PUDP: variants seen among roughly 807,000 people sequenced by gnomAD.
PUDP encodes pseudouridine-5'-phosphatase.
Under a neutral mutation model 9.4 loss-of-function variants are expected in PUDP, and 8 were observed. That is an observed-to-expected ratio of 0.85 (90% CI 0.50 to 1.53). The LOEUF (loss-of-function observed/expected upper bound fraction) is 1.53. Ranked by LOEUF, PUDP falls within the 40% of genes most tolerant of loss-of-function variation. The pLI is 0.00. For missense variants in PUDP, 188 were observed against 189.7 expected (o/e 0.99, Z 0.05); for synonymous variants, 99 against 80.7 (o/e 1.23, Z -1.22).
At chrX:6,789,738 A>G (rs1017780426) in intron 3 of PUDP, among the ~76,000 whole-genome samples, 1 of 111,039 alleles carries the variant, frequency 9.0e-6, no homozygotes, top group Non-Finnish European at 1.9e-5. Context: ...AGTTTTGTTT[A>G]TTTAAGATAC....
intron 1 of PUDP, among the ~76,000 whole-genome samples, chrX:7,039,713 C>T (rs1201429458): frequency 1.8e-5 from 2 of 112,558 alleles, no homozygotes; most frequent in Non-Finnish European, 3.7e-5. Flanking sequence ...ATATGTGGGA[C>T]TTTGTTATGG....
chrX:7,137,080 A>G (rs1409613913), intron 1 of PUDP, among the ~76,000 whole-genome samples: 2 of 110,747 alleles, frequency 1.8e-5, no homozygotes, highest in Non-Finnish European at 3.8e-5. Context: ...TCTCTACTAA[A>G]AATACAAAAA....
intron 3 of PUDP, among the ~76,000 whole-genome samples, chrX:6,935,188 A>C (rs1928276787): frequency 1.9e-5 from 2 of 106,778 alleles, no homozygotes; most frequent in African/African-American, 6.9e-5. Flanking sequence ...ACATTTTTTT[A>C]AGCACCACAC....
At chrX:7,136,568 C>T (rs2098449709) in intron 1 of PUDP, among the ~76,000 whole-genome samples, 1 of 112,029 alleles carries the variant, frequency 8.9e-6, no homozygotes, top group Non-Finnish European at 1.9e-5. Context: ...AAAGAGCTCA[C>T]CCCCAGCCAC....
At chrX:6,711,271 G>C (rs1924529230) in intron 1 of PUDP, among the ~76,000 whole-genome samples, 1 of 111,398 alleles carries the variant, frequency 9.0e-6, no homozygotes, top group South Asian at 3.8e-4. Flanking sequence ...AAATAGCATC[G>C]GAGGAAAAGG....
intron 1 of PUDP, among the ~76,000 whole-genome samples, chrX:6,998,900 T>C (rs1299574462): frequency 9.1e-6 from 1 of 110,226 alleles, no homozygotes; most frequent in African/African-American, 3.3e-5. Flanking sequence ...TGCAGACAGA[T>C]GAATAAGTAG....
chrX:6,902,341 T>C (rs1927702899), intron 3 of PUDP, among the ~76,000 whole-genome samples: 1 of 111,983 alleles, frequency 8.9e-6, no homozygotes, highest in Non-Finnish European at 1.9e-5. Context: ...TTGGCACTAT[T>C]AACACTTTGG....
intron 3 of PUDP, among the ~76,000 whole-genome samples, chrX:6,740,536 G>A (rs1924922624): frequency 9.0e-6 from 1 of 111,721 alleles, no homozygotes. Context: ...TAAGAGTAAG[G>A]TTTTTGCAAA....
At chrX:6,714,821 C>A (rs1055313382) in intron 1 of PUDP, among the ~76,000 whole-genome samples, 5 of 111,318 alleles carry the variant, frequency 4.5e-5, no homozygotes, top group African/African-American at 1.3e-4. Context: ...AGTGATTCTT[C>A]AAACCAACCT....
At chrX:6,835,806 G>A (rs753017527) in intron 3 of PUDP, among the ~76,000 whole-genome samples, 3 of 111,037 alleles carry the variant, frequency 2.7e-5, no homozygotes, top group African/African-American at 9.8e-5. Context: ...TTCACCTCCC[G>A]AGTTCATGTG....
At chrX:7,040,142 C>T (rs187943780) in intron 1 of PUDP, among the ~76,000 whole-genome samples, 34 of 112,125 alleles carry the variant, frequency 3.0e-4, no homozygotes, top group African/African-American at 9.7e-4. Flanking sequence ...TCCCAGCACC[C>T]GTGGTCAGCC....
At chrX:6,896,633 G>A (rs1379152960) in intron 3 of PUDP, among the ~76,000 whole-genome samples, 1 of 108,824 alleles carries the variant, frequency 9.2e-6, no homozygotes, top group African/African-American at 3.3e-5. Flanking sequence ...ATGTAGCCAG[G>A]AGCTCCCTTC....
intron 1 of PUDP, among the ~76,000 whole-genome samples, chrX:7,013,866 C>T: frequency 8.9e-6 from 1 of 112,057 alleles, no homozygotes; most frequent in Non-Finnish European, 1.9e-5. Context: ...AATAGACCCT[C>T]TGCCTTTTCA....
chrX:7,130,329 G>C (rs1300424297), intron 1 of PUDP, among the ~76,000 whole-genome samples: 2 of 108,920 alleles, frequency 1.8e-5, no homozygotes, highest in Non-Finnish European at 3.8e-5. Context: ...AGAATGACTA[G>C]GGATCCAGAG....
chrX:7,021,273 T>C (rs1311882180), intron 1 of PUDP, among the ~76,000 whole-genome samples: 2 of 112,270 alleles, frequency 1.8e-5, no homozygotes, highest in African/African-American at 6.5e-5. Flanking sequence ...AACAAACTGA[T>C]AGGGAAGAAA....
intron 3 of PUDP, among the ~76,000 whole-genome samples, chrX:6,910,733 G>C (rs150213328): frequency 0.01 from 1,124 of 112,146 alleles, 8 homozygotes; most frequent in Non-Finnish European, 0.017. Flanking sequence ...GGCGTTGCTT[G>C]GGGTGCACAC....
At chrX:6,808,224 G>A (rs1926084319) in intron 3 of PUDP, among the ~76,000 whole-genome samples, 1 of 111,376 alleles carries the variant, frequency 9.0e-6, no homozygotes, top group Non-Finnish European at 1.9e-5. Flanking sequence ...TGGCATGCAT[G>A]GCATATGATT....
intron 1 of PUDP, among the ~76,000 whole-genome samples, chrX:6,981,706 C>T (rs1286312103): frequency 9.0e-6 from 1 of 111,449 alleles, no homozygotes; most frequent in African/African-American, 3.3e-5. Flanking sequence ...TAGAAATCAT[C>T]TATTCCAGTC....
At position 7,019,148 on chromosome X, in the gene PUDP, G is replaced by A. The variant is rs184504623; in HGVS notation, c.205-40805C>T. 6.3e-5 allele frequency among the ~76,000 whole-genome samples: 7 copies of A among 110,489 alleles called. No homozygotes were observed. In the East Asian group the frequency reaches 2.0e-3, roughly 32 times the overall value. On this transcript the variant is annotated intron_variant and NMD_transcript_variant, in intron 1 of 3. Coordinates refer to the PUDP transcript ENST00000655425. Reference sequence around the variant, plus strand: ...AATGCCCTACTCTGTCTATGGAGTCGCTGTACTTTCACCACTTTACTCTTT... The same window carrying A: ...AATGCCCTACTCTGTCTATGGAGTCACTGTACTTTCACCACTTTACTCTTT...
Sources: allele counts gnomAD v4.1 joint callset (sites outside exome capture counted in the v4.1 genomes callset), GRCh38; gene constraint gnomAD v4.1.1; transcripts MANE v1.5; gene names NCBI Gene and HGNC (gene_info 2026-07-23, HGNC 2026-07-21).